The following GTF2E1 variants were observed in gnomAD, a reference collection of about 807,000 sequenced individuals.
GTF2E1 encodes the protein TFIIE alpha subunit.
Under a neutral mutation model 34.9 loss-of-function variants are expected in GTF2E1, and 14 were observed. That is an observed-to-expected ratio of 0.40 (90% confidence interval 0.27 to 0.63). GTF2E1 has a LOEUF of 0.63. GTF2E1 is among the 20% of genes least tolerant of loss of function. The pLI is 0.39. For synonymous variants in GTF2E1, 188 were observed against 192.9 expected, an observed-to-expected ratio of 0.97 and a Z score of 0.21; for missense variants, 469 against 557.7, an observed-to-expected ratio of 0.84 and a Z score of 1.60.
intron 2 of GTF2E1, among the ~76,000 whole-genome samples, chr3:120,751,343 A>ACAGT (rs1272581409): frequency 6.6e-6 from 1 of 152,172 alleles, no homozygotes; most frequent in East Asian, 1.9e-4. Flanking sequence ...CAGTTGCAAT[A>ACAGT]CAGTGTATTT....
At chr3:120,764,075 G>A (rs1417825994) in intron 2 of GTF2E1, among the ~76,000 whole-genome samples, 1 of 151,998 alleles carries the variant, frequency 6.6e-6, no homozygotes, top group Non-Finnish European at 1.5e-5. Flanking sequence ...CCAAACATTT[G>A]CATGACTTGC....
In GTF2E1 at chr3:120,782,380, A is replaced by G. The variant is rs1709456273; in HGVS notation, c.*910A>G. 1 of 152,228 alleles carries G rather than the reference A, an allele frequency of 6.6e-6. No homozygotes were observed. The highest frequency in any genetic ancestry group is 2.4e-5 in the African/African-American group (1 of 41,466). The allele number at this position is 152,228 out of a possible 1,614,324, so 9.4% of individuals were successfully genotyped here. A position where few individuals can be genotyped will look rare whatever the true frequency, so the allele number is the denominator to read the frequency against. On this transcript the variant is annotated 3_prime_UTR_variant, in exon 5 of 5. Coordinates refer to ENST00000283875, the MANE Select transcript of GTF2E1 (RefSeq NM_005513.3). Reference sequence around the variant, plus strand: ...TGTCTTTAGAACTGACCAGACTGGTAGATTTTATTGTATTGCTTAATGTCT... The same window carrying G: ...TGTCTTTAGAACTGACCAGACTGGTGGATTTTATTGTATTGCTTAATGTCT...
At chr3:120,764,274 A>G (rs562438282) in intron 2 of GTF2E1, among the ~76,000 whole-genome samples, 102 of 152,094 alleles carry the variant, frequency 6.7e-4, no homozygotes, top group Admixed American at 2.2e-3. Context: ...TGTGAGGGCC[A>G]TGAAAGTAGC....
chr3:120,777,172 A>G lies in GTF2E1; in HGVS notation c.892+508A>G, dbSNP rs1709408708. On this transcript the variant is annotated intron_variant, in intron 4 of 4. Coordinates refer to ENST00000283875, the MANE Select transcript of GTF2E1 (RefSeq NM_005513.3). ...AAGACGGTTAGCAGAACTTTGTTCT[A>G]GAGGATTTTGGAAATTTCTGAGGCA... Among the ~76,000 whole-genome samples, 3 of 152,188 alleles carry G rather than the reference A, an allele frequency of 2.0e-5. No individual in the cohort carries two copies. The South Asian group carries it at 6.2e-4, about 32-fold the overall frequency.
In GTF2E1 at chr3:120,770,751, C is replaced by T; in HGVS notation, c.472C>T (p.His158Tyr). ...AGGAACTTTCCGCTGTACTTTTTGC[C>T]ATACAGAGGTAGAAGAGGATGAATC... ...MTGTFRCTFC[H>Y]TEVEEDESAM... Residue 158 changes from histidine (H) to tyrosine (Y), a missense_variant, in exon 3 of 5, where the codon CAT becomes TAT. His to Tyr is a moderately conservative substitution (Grantham distance 83). Coordinates refer to ENST00000283875, the MANE Select transcript of GTF2E1 (RefSeq NM_005513.3). The T allele has an allele frequency of 6.2e-7, 1 of 1,613,282 alleles. No homozygotes were observed. Among genetic ancestry groups the T allele is most frequent in the Non-Finnish European group, 8.5e-7 (1 of 1,179,408 alleles).
At chr3:120,755,371 T>G (rs754311713) in intron 2 of GTF2E1, among the ~76,000 whole-genome samples, 17 of 152,232 alleles carry the variant, frequency 1.1e-4, no homozygotes, top group Non-Finnish European at 2.1e-4. Context: ...TAAAAATTTT[T>G]AAGATTCTCT....
intron 2 of GTF2E1, among the ~76,000 whole-genome samples, chr3:120,766,064 T>A (rs1362395384): frequency 6.6e-6 from 1 of 152,204 alleles, no homozygotes; most frequent in Non-Finnish European, 1.5e-5. Flanking sequence ...TGTACACTAC[T>A]TAGTGTAGAA....
rs1709460968 is a variant in GTF2E1, at chr3:120,782,975, A to C, written c.*1505A>C. ...AAGTATTTATCATTTTATAGTACAC[A>C]TGTAAAGAATATATGAGCCTTGTAT... is the stretch of plus-strand genomic sequence containing the variant. On this transcript the variant is annotated 3_prime_UTR_variant, in exon 5 of 5. Transcript: ENST00000283875. 6.6e-6 allele frequency: 1 copy of C among 152,206 alleles called. No homozygotes were observed. Among genetic ancestry groups the C allele is most frequent in the South Asian group, 2.1e-4 (1 of 4,836 alleles). 9.4% of individuals were successfully genotyped at this position (152,206 alleles called of 1,614,324 possible). A position where few individuals can be genotyped will look rare whatever the true frequency, so the allele number is the denominator to read the frequency against.
At chr3:120,748,129 CGTTATAGA>C (rs1709124448) in intron 1 of GTF2E1, among the ~76,000 whole-genome samples, 1 of 152,026 alleles carries the variant, frequency 6.6e-6, no homozygotes, top group African/African-American at 2.4e-5. Flanking sequence ...TGTTTGAGTT[CGTTATAGA>C]TTCTGGTTAT....
intron 1 of GTF2E1, among the ~76,000 whole-genome samples, chr3:120,748,767 GT>G (rs1411859180): frequency 2.0e-5 from 3 of 152,168 alleles, no homozygotes; most frequent in Non-Finnish European, 4.4e-5. Context: ...CTTTAAAGTA[GT>G]TTTTTCCAAT....
chr3:120,745,319 G>T (rs1709095832), intron 1 of GTF2E1, among the ~76,000 whole-genome samples: 1 of 152,202 alleles, frequency 6.6e-6, no homozygotes, highest in Non-Finnish European at 1.5e-5. Context: ...GGATTGTAAA[G>T]TCCTCATATC....
chr3:120,780,262 A>G (rs1709435546), intron 4 of GTF2E1, among the ~76,000 whole-genome samples: 1 of 152,240 alleles, frequency 6.6e-6, no homozygotes, highest in Non-Finnish European at 1.5e-5. Flanking sequence ...TGACAAAGAC[A>G]ATAGATGTAA....
At chr3:120,761,214 T>C (rs1709259984) in intron 2 of GTF2E1, among the ~76,000 whole-genome samples, 1 of 152,210 alleles carries the variant, frequency 6.6e-6, no homozygotes, top group Admixed American at 6.5e-5. Context: ...TGTAGCGTTG[T>C]TTATAGTATT....
chr3:120,765,837 C>T (rs1455844781), intron 2 of GTF2E1, among the ~76,000 whole-genome samples: 1 of 152,174 alleles, frequency 6.6e-6, no homozygotes. Flanking sequence ...CTCCTAACCC[C>T]ATCATTTGTC....
chr3:120,750,735 A>G lies in GTF2E1; in HGVS notation c.183A>G (p.Ser61=), dbSNP rs573561687. The G allele has an allele frequency of 2.5e-6, 4 of 1,614,102 alleles. No individual in the cohort carries two copies. Among genetic ancestry groups the G allele is most frequent in the Non-Finnish European group, 3.4e-6 (4 of 1,179,960 alleles). ...AGTTTGATCGGAAGCAACTTCGATC[A>G]GTTTTGAATAATTTAAAGGGAGACA... is the stretch of plus-strand genomic sequence containing the variant. ...LLKFDRKQLR[S]VLNNLKGDKF... is the part of the protein sequence containing the mutation. Residue 61 remains serine, a synonymous_variant, in exon 2 of 5, where the codon TCA becomes TCG. Transcript: ENST00000283875.
At chr3:120,759,999 G>C (rs941073913) in intron 2 of GTF2E1, among the ~76,000 whole-genome samples, 1 of 152,138 alleles carries the variant, frequency 6.6e-6, no homozygotes, top group African/African-American at 2.4e-5. Flanking sequence ...GCTTGATGGG[G>C]ATAACATTGA....
intron 2 of GTF2E1, among the ~76,000 whole-genome samples, chr3:120,758,672 T>G (rs1265134217): frequency 1.3e-5 from 2 of 151,918 alleles, no homozygotes; most frequent in Non-Finnish European, 2.9e-5. Context: ...ACGTGAGGTG[T>G]TTGATTTTCT....
intron 2 of GTF2E1, among the ~76,000 whole-genome samples, chr3:120,754,749 C>G (rs1200614245): frequency 6.6e-6 from 1 of 151,800 alleles, no homozygotes; most frequent in East Asian, 1.9e-4. Context: ...ACCTAGGGAC[C>G]TAGGAGTCAC....
intron 1 of GTF2E1, 42 bp downstream of exon 1, chr3:120,742,836 G>C: frequency 2.7e-6 from 1 of 374,852 alleles, no homozygotes; most frequent in Non-Finnish European, 5.0e-6. Flanking sequence ...TTCCCTGGCC[G>C]GGCATTGCAT....
Sources: allele counts gnomAD v4.1 joint callset (sites outside exome capture counted in the v4.1 genomes callset), GRCh38; gene constraint gnomAD v4.1.1; transcripts MANE v1.5; gene names NCBI Gene and HGNC (gene_info 2026-07-23, HGNC 2026-07-21).